CHIC2: variants seen among roughly 807,000 people sequenced by gnomAD.
CHIC2 encodes cysteine-rich hydrophobic domain-containing protein 2.
A neutral mutation model predicts 25.9 loss-of-function variants in CHIC2; 14 were observed. The observed-to-expected ratio is 0.54, with a 90% CI of 0.36 to 0.85. CHIC2 has a LOEUF of 0.85. Among genes scored for constraint, CHIC2 ranks in the 40% least tolerant of loss-of-function variants. The pLI is 0.01. For synonymous variants in CHIC2, 70 were observed against 72.0 expected (o/e 0.97, Z 0.14); for missense variants, 146 against 202.0 (o/e 0.72, Z 1.68).
At chr4:54,047,851 AT>A (rs1304904825) in intron 3 of CHIC2, among the ~76,000 whole-genome samples, 1 of 151,988 alleles carries the variant, frequency 6.6e-6, no homozygotes, top group Non-Finnish European at 1.5e-5. Context: ...TTTTTAAAAA[AT>A]AAAATTTATT....
At chr4:54,090,476 C>G in the CHIC2 span, among the ~76,000 whole-genome samples, 2 of 152,214 alleles carry the variant, frequency 1.3e-5, no homozygotes, top group Non-Finnish European at 2.9e-5. Context: ...TGAGCCACCA[C>G]AACCGGCCTA....
the CHIC2 span, among the ~76,000 whole-genome samples, chr4:54,089,293 C>G: frequency 2.6e-5 from 4 of 151,576 alleles, no homozygotes; most frequent in African/African-American, 9.7e-5. Context: ...TAATGAAATC[C>G]AATCTTTAAA....
chr4:54,089,040 A>G, the CHIC2 span, among the ~76,000 whole-genome samples: 1 of 152,154 alleles, frequency 6.6e-6, no homozygotes, highest in African/African-American at 2.4e-5. Context: ...CTGCAAGTGT[A>G]TAAAACTGTA....
the CHIC2 span, among the ~76,000 whole-genome samples, chr4:54,083,622 T>C: frequency 6.6e-6 from 1 of 152,184 alleles, no homozygotes; most frequent in African/African-American, 2.4e-5. Context: ...TAACCAAGGC[T>C]CATTGGTGCT....
intron 3 of CHIC2, among the ~76,000 whole-genome samples, chr4:54,038,397 T>C (rs1716457084): frequency 6.6e-6 from 1 of 152,164 alleles, no homozygotes. Flanking sequence ...AAGAAATACT[T>C]ATGTATAAAG....
the CHIC2 span, among the ~76,000 whole-genome samples, chr4:54,091,253 C>T: frequency 1.3e-5 from 2 of 152,168 alleles, no homozygotes; most frequent in African/African-American, 4.8e-5. Context: ...CAGTTTCAAG[C>T]CTCAGCCCAC....
At chr4:54,036,557 A>G (rs1201919223) in intron 3 of CHIC2, among the ~76,000 whole-genome samples, 2 of 152,136 alleles carry the variant, frequency 1.3e-5, no homozygotes, top group Non-Finnish European at 2.9e-5. Flanking sequence ...ATCTGCCCCC[A>G]TGATCCAATC....
the CHIC2 span, among the ~76,000 whole-genome samples, chr4:54,077,958 T>C: frequency 6.6e-6 from 1 of 152,328 alleles, no homozygotes; most frequent in East Asian, 1.9e-4. Flanking sequence ...CAGCATGTGG[T>C]TCTATTCTGC....
Position 54,009,919 on chromosome 4 carries a change from T to C in CHIC2, c.*176A>G, listed in dbSNP as rs776430930. 4.5e-6 allele frequency: 2 copies of C among 444,048 alleles called. No individual in the cohort carries two copies. Among genetic ancestry groups the C allele is most frequent in the Admixed American group, 4.1e-5 (1 of 24,650 alleles). The allele number at this position is 444,048 out of a possible 1,614,324, so 27.5% of individuals were successfully genotyped here. A position where few individuals can be genotyped will look rare whatever the true frequency, so the allele number is the denominator to read the frequency against. On this transcript the variant is annotated 3_prime_UTR_variant, in exon 6 of 6. Coordinates refer to ENST00000263921, the MANE Select transcript of CHIC2 (RefSeq NM_012110.4). ...CTGTATGAAATAACTGTTGCAAAGA[T>C]TGACAAAAATGCACACTTAGAACAT...
At chr4:54,012,915 T>C (rs960096904) in intron 5 of CHIC2, among the ~76,000 whole-genome samples, 2 of 152,142 alleles carry the variant, frequency 1.3e-5, no homozygotes, top group African/African-American at 4.8e-5. Flanking sequence ...GATTTTATGA[T>C]AATTTACAAC....
At chr4:54,089,364 A>AGGTG in the CHIC2 span, among the ~76,000 whole-genome samples, 1 of 150,804 alleles carries the variant, frequency 6.6e-6, no homozygotes, top group Non-Finnish European at 1.5e-5. Context: ...TCAAGGCTAC[A>AGGTG]GTGAGCTATG....
At chr4:54,037,784 G>A (rs1716440208) in intron 3 of CHIC2, among the ~76,000 whole-genome samples, 1 of 152,022 alleles carries the variant, frequency 6.6e-6, no homozygotes, top group African/African-American at 2.4e-5. Context: ...AATATTTGGA[G>A]GTTAAACAAA....
At chr4:54,041,081 A>C (rs931460989) in intron 3 of CHIC2, among the ~76,000 whole-genome samples, 1 of 150,738 alleles carries the variant, frequency 6.6e-6, no homozygotes. Flanking sequence ...CATGCCAGCT[A>C]ATTTTTATAT....
chr4:54,052,052 T>C lies in CHIC2; in HGVS notation c.120-2747A>G, dbSNP rs184709868. On this transcript the variant is annotated intron_variant, in intron 1 of 5. Coordinates refer to ENST00000263921, the MANE Select transcript of CHIC2 (RefSeq NM_012110.4). ...GCTTTCTCCTGGCAAAGAGCTTGAA[T>C]GTCAGAATTTCTTATTTGGCACAGG... Among the ~76,000 whole-genome samples the C allele has an allele frequency of 2.0e-5, 3 of 152,312 alleles. No individual in the cohort carries two copies. In the East Asian group the frequency reaches 5.8e-4, roughly 29 times the overall value.
the CHIC2 span, among the ~76,000 whole-genome samples, chr4:54,071,048 A>C: frequency 6.6e-6 from 1 of 152,188 alleles, no homozygotes; most frequent in African/African-American, 2.4e-5. Flanking sequence ...AACTATGCAA[A>C]AGGCCTTTAG....
intron 5 of CHIC2, among the ~76,000 whole-genome samples, chr4:54,011,410 T>C (rs750413117): frequency 1.3e-5 from 2 of 152,200 alleles, no homozygotes; most frequent in African/African-American, 2.4e-5. Flanking sequence ...TTCTCCCAAC[T>C]AGCTTCTTCA....
chr4:54,071,112 G>A, the CHIC2 span, among the ~76,000 whole-genome samples: 6 of 152,196 alleles, frequency 3.9e-5, no homozygotes, highest in South Asian at 2.1e-4. Context: ...CTAAAGGAGA[G>A]GGAAGGAAGA....
chr4:54,041,303 T>C (rs1438912099), intron 3 of CHIC2, among the ~76,000 whole-genome samples: 1 of 151,968 alleles, frequency 6.6e-6, no homozygotes, highest in Non-Finnish European at 1.5e-5. Context: ...ATAAGAGGAT[T>C]TCACATCACA....
upstream of CHIC2, among the ~76,000 whole-genome samples, chr4:54,068,913 A>C (rs901605137): frequency 1.3e-5 from 2 of 152,230 alleles, no homozygotes; most frequent in Non-Finnish European, 2.9e-5. Flanking sequence ...ACCCTCGTCA[A>C]GTTCAACTAA....
Sources: gnomAD v4.1 joint callset for allele counts (sites outside exome capture counted in the v4.1 genomes callset) on GRCh38, gnomAD v4.1.1 for gene constraint, MANE v1.5 for transcripts, NCBI Gene and HGNC (gene_info 2026-07-23, HGNC 2026-07-21) for gene names.